TRPM3: variants seen among roughly 807,000 people sequenced by gnomAD.
TRPM3 encodes transient receptor potential cation channel subfamily M member 3.
A neutral mutation model predicts 181.2 loss-of-function variants in TRPM3; 77 were observed. The ratio of observed to expected loss-of-function variants is 0.42; its 90% confidence interval spans 0.35 to 0.51. TRPM3 has a LOEUF of 0.51. TRPM3 is among the 20% of genes least tolerant of loss of function. The pLI, the probability that TRPM3 is intolerant of heterozygous loss-of-function variation, is 0.01. For synonymous variants in TRPM3, 745 were observed against 796.4 expected (o/e 0.94, Z 1.09); for missense variants, 1,759 against 2,196.7 (o/e 0.80, Z 3.98).
intron 3 of TRPM3, among the ~76,000 whole-genome samples, chr9:70,852,832 C>T (rs564858776): frequency 1.3e-5 from 2 of 152,302 alleles, no homozygotes; most frequent in African/African-American, 2.4e-5. Context: ...TGCAATCTCT[C>T]CCCTTTCATC....
At chr9:70,828,701 A>ATTTT (rs1313239960) in intron 5 of TRPM3, among the ~76,000 whole-genome samples, 1 of 116,290 alleles carries the variant, frequency 8.6e-6, no homozygotes. Flanking sequence ...GGCCTTCCAG[A>ATTTT]TTTTTTTTTT....
At chr9:70,617,739 TG>T (rs1315939120) in intron 17 of TRPM3, among the ~76,000 whole-genome samples, 1 of 152,054 alleles carries the variant, frequency 6.6e-6, no homozygotes, top group Non-Finnish European at 1.5e-5. Flanking sequence ...CCAAAGCGGG[TG>T]GATCACTTGA....
intron 6 of TRPM3, among the ~76,000 whole-genome samples, chr9:70,814,900 C>T (rs2092546270): frequency 6.6e-6 from 1 of 151,804 alleles, no homozygotes; most frequent in African/African-American, 2.4e-5. Context: ...TCTTTCCCTC[C>T]CCCTCCCTTC....
At chr9:71,092,822 C>T (rs1188188827) in intron 1 of TRPM3, among the ~76,000 whole-genome samples, 1 of 152,094 alleles carries the variant, frequency 6.6e-6, no homozygotes, top group Non-Finnish European at 1.5e-5. Context: ...GGTTGCCTCC[C>T]ATCATGCTAC....
intron 1 of TRPM3, among the ~76,000 whole-genome samples, chr9:71,205,557 G>A (rs375242908): frequency 7.7e-4 from 118 of 152,318 alleles, no homozygotes; most frequent in African/African-American, 2.6e-3. Context: ...ATACAAGTAT[G>A]TGCAATACTG....
At chr9:71,403,334 A>G (rs1258638165) in intron 1 of TRPM3, among the ~76,000 whole-genome samples, 1 of 152,172 alleles carries the variant, frequency 6.6e-6, no homozygotes, top group Non-Finnish European at 1.5e-5. Context: ...TTGCAGGAAA[A>G]CTTTGCCAAC....
At chr9:71,223,095 G>A (rs893517078) in intron 1 of TRPM3, among the ~76,000 whole-genome samples, 4 of 152,112 alleles carry the variant, frequency 2.6e-5, no homozygotes, top group Non-Finnish European at 4.4e-5. Context: ...GGGTAGCTAA[G>A]GGAATGCTTG....
At chr9:70,572,139 T>TGTGTGTGTGTGTGTG (rs397944738) in intron 22 of TRPM3, among the ~76,000 whole-genome samples, 2 of 152,028 alleles carry the variant, frequency 1.3e-5, no homozygotes, top group African/African-American at 2.4e-5. Flanking sequence ...TGTGTGTGTG[T>TGTGTGTGTGTGTGTG]TTCCCACATG....
intron 1 of TRPM3, among the ~76,000 whole-genome samples, chr9:71,073,585 TTGAG>T (rs1330585690): frequency 6.6e-6 from 1 of 152,158 alleles, no homozygotes; most frequent in Non-Finnish European, 1.5e-5. Flanking sequence ...TGATATTTTC[TTGAG>T]TAAGAAAAGC....
intron 1 of TRPM3, among the ~76,000 whole-genome samples, chr9:71,227,741 A>C (rs12005368): frequency 0.01 from 1,554 of 152,266 alleles, 26 homozygotes; most frequent in African/African-American, 0.035. Context: ...ACCTAGAAGA[A>C]ATAATAAATT....
At chr9:71,157,595 C>T (rs879804844) in intron 1 of TRPM3, among the ~76,000 whole-genome samples, 1 of 152,112 alleles carries the variant, frequency 6.6e-6, no homozygotes, top group Non-Finnish European at 1.5e-5. Flanking sequence ...CAAAGCAAAG[C>T]CGTTCTGAGT....
At chr9:70,622,027 G>A (rs140349595) in intron 14 of TRPM3, among the ~76,000 whole-genome samples, 8 of 152,116 alleles carry the variant, frequency 5.3e-5, no homozygotes, top group African/African-American at 9.7e-5. Flanking sequence ...AATTCCAAAG[G>A]TGATGGTATT....
chr9:70,751,906 T>C (rs1379985860), intron 8 of TRPM3, among the ~76,000 whole-genome samples: 1 of 152,118 alleles, frequency 6.6e-6, no homozygotes, highest in African/African-American at 2.4e-5. Context: ...AGCTTACATT[T>C]ATGACCTTTG....
intron 1 of TRPM3, among the ~76,000 whole-genome samples, chr9:71,171,100 C>T (rs1033798157): frequency 4.6e-5 from 7 of 152,134 alleles, no homozygotes; most frequent in African/African-American, 1.2e-4. Flanking sequence ...TCTCCCATAG[C>T]GCTCCCAGGC....
At chr9:71,047,636 C>T (rs1462847236) in intron 1 of TRPM3, among the ~76,000 whole-genome samples, 1 of 152,158 alleles carries the variant, frequency 6.6e-6, no homozygotes, top group East Asian at 1.9e-4. Flanking sequence ...TATTATTTCC[C>T]TTGACATGAT....
At chr9:71,018,171 T>C (rs996049878) in intron 1 of TRPM3, among the ~76,000 whole-genome samples, 31 of 151,772 alleles carry the variant, frequency 2.0e-4, no homozygotes, top group African/African-American at 6.3e-4. Flanking sequence ...AGAATATCTC[T>C]AAAGCTGTAC....
chr9:70,742,562 T>A (rs1016075219), intron 8 of TRPM3, among the ~76,000 whole-genome samples: 1 of 152,140 alleles, frequency 6.6e-6, no homozygotes, highest in Non-Finnish European at 1.5e-5. Flanking sequence ...CTTTAACAAA[T>A]CTCTCTCTAT....
chr9:71,319,138 T>G (rs2088945141), intron 1 of TRPM3, among the ~76,000 whole-genome samples: 1 of 147,704 alleles, frequency 6.8e-6, no homozygotes, highest in East Asian at 2.0e-4. Context: ...ATTGATGAGC[T>G]GAAATTCATG....
At chr9:70,979,961 C>A (rs553027303) in intron 1 of TRPM3, among the ~76,000 whole-genome samples, 7 of 151,844 alleles carry the variant, frequency 4.6e-5, no homozygotes, top group Non-Finnish European at 1.0e-4. Context: ...TTAATGATCT[C>A]GTAAAGACCC....
Sources: gnomAD v4.1 joint callset for allele counts (sites outside exome capture counted in the v4.1 genomes callset) on GRCh38, gnomAD v4.1.1 for gene constraint, MANE v1.5 for transcripts, NCBI Gene and HGNC (gene_info 2026-07-23, HGNC 2026-07-21) for gene names.